BLVRB: variants seen among roughly 807,000 people sequenced by gnomAD.
BLVRB encodes the protein biliverdin reductase B.
In BLVRB, 25 loss-of-function variants were observed where a neutral mutation model predicts 21.1. The observed-to-expected ratio is 1.19, with a 90% CI of 0.86 to 1.66. The LOEUF (loss-of-function observed/expected upper bound fraction) is 1.66. Among genes scored for constraint, BLVRB ranks in the 40% most tolerant of loss-of-function variants. BLVRB has a pLI of 0.00. For synonymous variants in BLVRB, 128 were observed against 122.2 expected (o/e 1.05, Z -0.31); for missense variants, 274 against 282.7 (o/e 0.97, Z 0.22).
intron 1 of BLVRB, among the ~76,000 whole-genome samples, chr19:40,459,517 G>A (rs1390962924): frequency 6.7e-6 from 1 of 149,336 alleles, no homozygotes; most frequent in Non-Finnish European, 1.5e-5. Flanking sequence ...GCACAATCTC[G>A]GCTCACTGCA....
chr19:40,464,878 G>A (rs2079803868), intron 1 of BLVRB, among the ~76,000 whole-genome samples: 1 of 152,166 alleles, frequency 6.6e-6, no homozygotes, highest in Non-Finnish European at 1.5e-5. Context: ...AGGCCCAGCT[G>A]GGAGTTGGTC....
chr19:40,447,937 G>C lies in BLVRB; in HGVS notation c.573C>G (p.Thr191=), dbSNP rs376664931. The change falls in exon 5 of 5, where the codon ACC becomes ACG. Residue 191 remains threonine (T), a synonymous_variant. Transcript: ENST00000263368. ...LGHFMLRCLT[T]DEYDGHSTYP... ...AGGTGCTGTGTCCGTCGTACTCATC[G>C]GTGGTGAGGCAGCGCAGCATGAAAT... 2 of 1,613,982 alleles carry C rather than the reference G, an allele frequency of 1.2e-6. No individual in the cohort carries two copies. The highest frequency in any genetic ancestry group is 1.3e-5 in the African/African-American group (1 of 74,916).
Sources: allele counts gnomAD v4.1 joint callset (sites outside exome capture counted in the v4.1 genomes callset), GRCh38; gene constraint gnomAD v4.1.1; transcripts MANE v1.5; gene names NCBI Gene and HGNC (gene_info 2026-07-23, HGNC 2026-07-21).